FEM1B: variants seen among roughly 807,000 people sequenced by gnomAD.
FEM1B encodes fem-1 homolog B, also known as protein fem-1 homolog B.
A neutral mutation model predicts 38.6 loss-of-function variants in FEM1B; 10 were observed. The observed-to-expected ratio is 0.26, with a 90% confidence interval of 0.16 to 0.44. The LOEUF (loss-of-function observed/expected upper bound fraction) is 0.44. Among genes scored for constraint, FEM1B ranks in the 20% least tolerant of loss-of-function variants. The pLI is 1.00. For synonymous variants in FEM1B, 288 were observed against 288.0 expected (o/e 1.00, Z 0.00); for missense variants, 471 against 786.7 (o/e 0.60, Z 4.80).
chr15:68,278,411 G>A lies in FEM1B; in HGVS notation c.-7G>A, dbSNP rs147100682. On this transcript the variant is annotated 5_prime_UTR_variant, in exon 1 of 2. Coordinates refer to ENST00000306917, the MANE Select transcript of FEM1B (RefSeq NM_015322.5). The surrounding 1 kb of genome is among the most constrained non-coding windows in gnomAD (Gnocchi z 5.7). ...CGACCAAACGGGTGTTGGAGTTGGC[G>A]GCGGCCATGGAGGGCCTGGCTGGCT... is the stretch of plus-strand genomic sequence containing the variant. The A allele has an allele frequency of 5.3e-4, 858 of 1,607,988 alleles. 6 individuals are homozygous for A. In the East Asian group the frequency reaches 0.018, roughly 33 times the overall value.
rs193261445 is a variant in FEM1B, at chr15:68,277,955, G to A, written c.-463G>A. 419 of 157,180 alleles carry A rather than the reference G, an allele frequency of 2.7e-3. No individual in the cohort carries two copies. Among genetic ancestry groups the A allele is most frequent in the African/African-American group, 9.5e-3 (394 of 41,658 alleles). 9.7% of individuals were successfully genotyped at this position (157,180 alleles called of 1,614,324 possible). ...GCGAAGGGCGGAAAGCGCAGGAGGA[G>A]GCAGTGTTAGGCCTTAGGCCGGGTG... On this transcript the variant is annotated 5_prime_UTR_variant, in exon 1 of 2. Transcript: ENST00000306917.
chr15:68,293,800 T>G lies in FEM1B; in HGVS notation c.*2558T>G, dbSNP rs1415183888. The G allele has an allele frequency of 2.6e-5, 4 of 152,210 alleles. No homozygotes were observed. Among genetic ancestry groups the G allele is most frequent in the South Asian group, 4.1e-4 (2 of 4,828 alleles). 9.4% of individuals were successfully genotyped at this position (152,210 alleles called of 1,614,324 possible). On this transcript the variant is annotated 3_prime_UTR_variant, in exon 2 of 2. Transcript: ENST00000306917. The surrounding 1 kb of genome is among the most constrained non-coding windows in gnomAD (Gnocchi z 5.8). Reference sequence around the variant, plus strand: ...ATGTTTAGCCAGACCCTTCCCCAACTTAATTTTTTTTTAAAAAAGGAAAAT... The same window carrying G: ...ATGTTTAGCCAGACCCTTCCCCAACGTAATTTTTTTTTAAAAAAGGAAAAT...
chr15:68,278,162 T>C lies in FEM1B; in HGVS notation c.-256T>C. On this transcript the variant is annotated 5_prime_UTR_variant, in exon 1 of 2. Transcript: ENST00000306917. This position sits in a 1 kb window ranked among gnomAD's most constrained non-coding sequence, Gnocchi z 5.7. Reference sequence around the variant, plus strand: ...ATCCCCTCGGTCCAGGGCCGGCGCCTGGGACCTGGCGGGCGGCCCTGACCG... The same window carrying C: ...ATCCCCTCGGTCCAGGGCCGGCGCCCGGGACCTGGCGGGCGGCCCTGACCG... 1 of 440,566 alleles carries C rather than the reference T, an allele frequency of 2.3e-6. No homozygotes were observed. The highest frequency in any genetic ancestry group is 4.0e-6 in the Non-Finnish European group (1 of 248,174). The allele number at this position is 440,566 out of a possible 1,614,324, so 27.3% of individuals were successfully genotyped here.
chr15:68,290,658 C>T lies in FEM1B; in HGVS notation c.1300C>T (p.His434Tyr), dbSNP rs752123071. ...GAAAAATATTTCAGATGCTGATGTC[C>T]ACAATGCTATGGACAATTATGAATG... ...RVKNISDADV[H>Y]NAMDNYECNL... Residue 434 changes from histidine (H) to tyrosine (Y), a missense_variant, in exon 2 of 2, where the codon CAC (histidine) becomes TAC (tyrosine). Around this residue, in one of 3 missense-constraint regions of FEM1B, gnomAD observed 380 missense variants for 599.6 expected, o/e 0.63. Transcript: ENST00000306917. This position sits in a 1 kb window ranked among gnomAD's most constrained non-coding sequence, Gnocchi z 9.7. 2.9e-5 allele frequency: 47 copies of T among 1,613,706 alleles called. No homozygotes were observed. Among genetic ancestry groups the T allele is most frequent in the Non-Finnish European group, 4.0e-5 (47 of 1,179,714 alleles).
At position 68,280,121 on chromosome 15, in the gene FEM1B, G is replaced by GA; in HGVS notation, c.248+1462dup. The GA allele has an allele frequency of 6.6e-6, 1 of 152,126 alleles. No homozygotes were observed. 9.4% of individuals were successfully genotyped at this position (152,126 alleles called of 1,614,324 possible). A position where few individuals can be genotyped will look rare whatever the true frequency, so the allele number is the denominator to read the frequency against. On this transcript the variant is annotated intron_variant, in intron 1 of 1. Coordinates refer to ENST00000306917, the MANE Select transcript of FEM1B (RefSeq NM_015322.5). The surrounding 1 kb of genome is among the most constrained non-coding windows in gnomAD (Gnocchi z 4.2). Reference sequence around the variant, plus strand: ...TGTGCATAAGGGAGAATAGTGGGGAGAAAAAAGAGTTAAGAATTTCGAAAG... The same window carrying GA: ...TGTGCATAAGGGAGAATAGTGGGGAGAAAAAAAGAGTTAAGAATTTCGAAAG...
At chr15:68,283,647 G>A (rs958075985) in intron 1 of FEM1B, among the ~76,000 whole-genome samples, 6 of 151,748 alleles carry the variant, frequency 4.0e-5, no homozygotes, top group Non-Finnish European at 5.9e-5. Flanking sequence ...GTACTTAGCC[G>A]GTACAACAGA....
In FEM1B at chr15:68,280,102, TA is replaced by T. The variant is rs1160758250; in HGVS notation, c.248+1439del. 7 of 152,220 alleles carry T rather than the reference TA, an allele frequency of 4.6e-5. No homozygotes were observed. The highest frequency in any genetic ancestry group is 1.3e-4 in the Admixed American group (2 of 15,284). 9.4% of individuals were successfully genotyped at this position (152,220 alleles called of 1,614,324 possible). On this transcript the variant is annotated intron_variant, in intron 1 of 1. Transcript: ENST00000306917. This position sits in a 1 kb window ranked among gnomAD's most constrained non-coding sequence, Gnocchi z 4.2. The stretch of plus-strand genomic sequence containing the variant: ...AATACTGCTGCTGAGGCAATGTGCA[TA>T]AGGGAGAATAGTGGGGAGAAAAAAG...
At position 68,295,427 on chromosome 15, in the gene FEM1B, A is replaced by AGAT. The variant is rs1567115657; in HGVS notation, c.*4188_*4190dup. ...TGCTTAGTAACTGGTAGAGGAGAAA[A>AGAT]GATGAGGAAAGAAACTCAGCTTTCC... On this transcript the variant is annotated 3_prime_UTR_variant, in exon 2 of 2. Coordinates refer to ENST00000306917, the MANE Select transcript of FEM1B (RefSeq NM_015322.5). 1 of 152,154 alleles carries AGAT rather than the reference A, an allele frequency of 6.6e-6. No homozygotes were observed. The highest frequency in any genetic ancestry group is 2.4e-5 in the African/African-American group (1 of 41,432). 9.4% of individuals were successfully genotyped at this position (152,154 alleles called of 1,614,324 possible).
chr15:68,283,031 T>C (rs546773112), intron 1 of FEM1B, among the ~76,000 whole-genome samples: 3 of 152,316 alleles, frequency 2.0e-5, no homozygotes, highest in South Asian at 2.1e-4. Context: ...TGGAACTTTT[T>C]TGAGGCTCCT....
Position 68,281,623 on chromosome 15 carries a change from A to C in FEM1B, c.248+2958A>C, listed in dbSNP as rs1425171615. ...GCCATTGATATTTGAGTTCTTGTTC[A>C]CTTTTTTTTTTTGAGACGGAGTCTC... On this transcript the variant is annotated intron_variant, in intron 1 of 1. Transcript: ENST00000306917. The surrounding 1 kb of genome is among the most constrained non-coding windows in gnomAD (Gnocchi z 5.1). Among the ~76,000 whole-genome samples, 2 of 148,618 alleles carry C rather than the reference A, an allele frequency of 1.3e-5. No individual in the cohort carries two copies. Among genetic ancestry groups the C allele is most frequent in the Non-Finnish European group, 3.0e-5 (2 of 67,740 alleles).
chr15:68,279,599 A>T (rs1264760080), intron 1 of FEM1B, among the ~76,000 whole-genome samples: 1 of 152,048 alleles, frequency 6.6e-6, no homozygotes, highest in African/African-American at 2.4e-5. Flanking sequence ...TTTCTTTTGA[A>T]GTCAGTAGGG....
At chr15:68,279,247 C>T (rs1451578643) in intron 1 of FEM1B, among the ~76,000 whole-genome samples, 3 of 152,152 alleles carry the variant, frequency 2.0e-5, no homozygotes, top group Non-Finnish European at 4.4e-5. Flanking sequence ...CCACGTTGCT[C>T]GGTGTAGATA....
intron 1 of FEM1B, among the ~76,000 whole-genome samples, chr15:68,283,217 T>G (rs1418827772): frequency 6.6e-6 from 1 of 152,104 alleles, no homozygotes; most frequent in Non-Finnish European, 1.5e-5. Context: ...TTTTAATCAC[T>G]TTTTGTCTCT....
chr15:68,290,787 C>G lies in FEM1B; in HGVS notation c.1429C>G (p.Leu477Val), dbSNP rs776476475. The G allele has an allele frequency of 5.6e-6, 9 of 1,613,930 alleles. No individual in the cohort carries two copies. The East Asian group carries it at 1.1e-4, about 20-fold the overall frequency. The change falls in exon 2 of 2, where the codon CTT becomes GTT. Residue 477 changes from leucine to valine, a missense_variant. Leu to Val is a conservative substitution (Grantham distance 32, BLOSUM62 1). Coordinates refer to ENST00000306917, the MANE Select transcript of FEM1B (RefSeq NM_015322.5). The surrounding 1 kb of genome is among the most constrained non-coding windows in gnomAD (Gnocchi z 9.7). ...CAAGCAGATCTACAACCTGATTCAC[C>G]TTGATCCCAGAACTCGTGAAGGTTT... ...INKQIYNLIH[L>V]DPRTREGFTL... is the part of the protein sequence containing the mutation.
Position 68,284,922 on chromosome 15 carries a change from C to CT in FEM1B, c.249-4683dup, listed in dbSNP as rs1892769662. Among the ~76,000 whole-genome samples, 1 of 152,344 alleles carries CT rather than the reference C, an allele frequency of 6.6e-6. No homozygotes were observed. Among genetic ancestry groups the CT allele is most frequent in the South Asian group, 2.1e-4 (1 of 4,828 alleles). ...CTGCTGCCATCCATGTAAGATGTGA[C>CT]TTGCTGCTCCTTGCCTTCTGCCATG... On this transcript the variant is annotated intron_variant, in intron 1 of 1. Transcript: ENST00000306917. This position sits in a 1 kb window ranked among gnomAD's most constrained non-coding sequence, Gnocchi z 4.4.
chr15:68,289,856 C>T lies in FEM1B; in HGVS notation c.498C>T (p.His166=). ...TCLMIAAYKG[H]TDVVRYLLEQ... is the part of the protein sequence containing the mutation. Reference sequence around the variant, plus strand: ...TAATGATTGCGGCATATAAGGGACACACTGATGTGGTCAGATACCTTTTAG... The same window carrying T: ...TAATGATTGCGGCATATAAGGGACATACTGATGTGGTCAGATACCTTTTAG... Residue 166 remains histidine, a synonymous_variant, in exon 2 of 2, where the codon CAC becomes CAT. Transcript: ENST00000306917. The surrounding 1 kb of genome is among the most constrained non-coding windows in gnomAD (Gnocchi z 6.9). The T allele has an allele frequency of 6.2e-7, 1 of 1,614,036 alleles. No homozygotes were observed. Among genetic ancestry groups the T allele is most frequent in the Non-Finnish European group, 8.5e-7 (1 of 1,179,928 alleles).
Position 68,280,110 on chromosome 15 carries a change from A to G in FEM1B, c.248+1445A>G, listed in dbSNP as rs1660366429. Reference sequence around the variant, plus strand: ...TGCTGAGGCAATGTGCATAAGGGAGAATAGTGGGGAGAAAAAAGAGTTAAG... The same window carrying G: ...TGCTGAGGCAATGTGCATAAGGGAGGATAGTGGGGAGAAAAAAGAGTTAAG... On this transcript the variant is annotated intron_variant, in intron 1 of 1. Transcript: ENST00000306917. This position sits in a 1 kb window ranked among gnomAD's most constrained non-coding sequence, Gnocchi z 4.2. 6.6e-6 allele frequency: 1 copy of G among 152,174 alleles called. No homozygotes were observed. Among genetic ancestry groups the G allele is most frequent in the South Asian group, 2.1e-4 (1 of 4,830 alleles). The allele number at this position is 152,174 out of a possible 1,614,324, so 9.4% of individuals were successfully genotyped here. A position where few individuals can be genotyped will look rare whatever the true frequency, so the allele number is the denominator to read the frequency against.
intron 1 of FEM1B, among the ~76,000 whole-genome samples, chr15:68,285,112 G>A (rs928264662): frequency 2.6e-5 from 4 of 152,154 alleles, no homozygotes; most frequent in African/African-American, 9.7e-5. Flanking sequence ...CCTATAAGCA[G>A]AATTATGTAG....
At chr15:68,285,902 C>CT (rs765742295) in intron 1 of FEM1B, among the ~76,000 whole-genome samples, 1 of 147,616 alleles carries the variant, frequency 6.8e-6, no homozygotes, top group Non-Finnish European at 1.5e-5. Flanking sequence ...CCAATAAATA[C>CT]TTTCTTTTTC....
Sources: allele counts gnomAD v4.1 joint callset (sites outside exome capture counted in the v4.1 genomes callset), GRCh38; gene constraint gnomAD v4.1.1; regional missense constraint gnomAD v4.1.1; non-coding constraint Gnocchi (gnomAD v3.1); transcripts MANE v1.5; gene names NCBI Gene and HGNC (gene_info 2026-07-23, HGNC 2026-07-21).